The following CARD16 variants were observed in gnomAD, a reference collection of about 807,000 sequenced individuals.
CARD16 encodes caspase recruitment domain-containing protein 16.
CARD16 carries 8 observed loss-of-function variants against 11.9 expected under a neutral mutation model. That is an observed-to-expected ratio of 0.67 (90% CI 0.39 to 1.21). The LOEUF (loss-of-function observed/expected upper bound fraction) is 1.21. Among genes scored for constraint, CARD16 ranks in the 50% most tolerant of loss-of-function variants. The pLI is 0.01. For synonymous variants in CARD16, 44 were observed against 43.8 expected, an observed-to-expected ratio of 1.00 and a Z score of -0.02; for missense variants, 131 against 118.1, an observed-to-expected ratio of 1.11 and a Z score of -0.51.
chr11:105,042,335 G>C (rs12575627), intron 3 of CARD16, among the ~76,000 whole-genome samples: 1 of 152,128 alleles, frequency 6.6e-6, no homozygotes, highest in East Asian at 1.9e-4. Context: ...TGGATTCATA[G>C]CACTAAACAT....
At chr11:105,042,536 C>G (rs181616698) in intron 3 of CARD16, among the ~76,000 whole-genome samples, 12 of 152,074 alleles carry the variant, frequency 7.9e-5, no homozygotes, top group Non-Finnish European at 1.5e-4. Flanking sequence ...ACTATTAAGG[C>G]AAAATAATAA....
At chr11:105,042,294 G>A (rs893181340) in intron 3 of CARD16, among the ~76,000 whole-genome samples, 21 of 151,996 alleles carry the variant, frequency 1.4e-4, no homozygotes, top group Admixed American at 3.3e-4. Flanking sequence ...AAAATAGAAC[G>A]ATGAATGCTA....
chr11:105,044,222 G>A, intron 2 of CARD16, 170 bp downstream of exon 2: 2 of 1,051,098 alleles, frequency 1.9e-6, no homozygotes, highest in Non-Finnish European at 2.8e-6. Flanking sequence ...GAGGATGAAG[G>A]AACACAAAAA....
chr11:105,043,355 A>C, intron 3 of CARD16, 128 bp downstream of exon 3: 1 of 522,744 alleles, frequency 1.9e-6, no homozygotes, highest in Non-Finnish European at 3.2e-6. Flanking sequence ...AGAATAGATT[A>C]AAAAAGAAAA....
In CARD16 at chr11:105,044,374, T is replaced by A. The variant is rs1330972004; in HGVS notation, c.274+18A>T. On this transcript the variant is annotated intron_variant, in intron 2 of 3. Coordinates refer to ENST00000673097, the MANE Select transcript of CARD16 (RefSeq NM_052889.4). The stretch of plus-strand genomic sequence containing the variant: ...GACAGGCCCTAGGTGAACTTGAGTG[T>A]GAGTCACTGACCCTTACCTGCTGAG... 1 of 1,613,648 alleles carries A rather than the reference T, an allele frequency of 6.2e-7. No individual in the cohort carries two copies. Among genetic ancestry groups the A allele is most frequent in the Non-Finnish European group, 8.5e-7 (1 of 1,179,676 alleles).
At chr11:105,041,770 T>G (rs369797790) in intron 3 of CARD16, 51 bp from the exon 4 acceptor site, 1 of 1,539,326 alleles carries the variant, frequency 6.5e-7, no homozygotes, top group Non-Finnish European at 8.9e-7. Flanking sequence ...TTTGTTCTTA[T>G]AGCCTCACCT....
At chr11:105,043,646 C>G (rs1301443296) in intron 2 of CARD16, 101 bp from the exon 3 acceptor site, 1 of 791,224 alleles carries the variant, frequency 1.3e-6, no homozygotes, top group South Asian at 1.4e-5. Context: ...TCCCACAACC[C>G]TGACTAAATG....
chr11:105,043,431 T>C (rs1864142827), intron 3 of CARD16, 52 bp downstream of exon 3: 1 of 1,253,168 alleles, frequency 8.0e-7, no homozygotes, highest in Non-Finnish European at 1.2e-6. Flanking sequence ...ACTAAATTAA[T>C]GTTAAAGAAG....
At chr11:105,042,112 A>G (rs1864122498) in intron 3 of CARD16, among the ~76,000 whole-genome samples, 1 of 152,134 alleles carries the variant, frequency 6.6e-6, no homozygotes, top group Non-Finnish European at 1.5e-5. Context: ...AATTAACACT[A>G]ATTAATTTTT....
intron 3 of CARD16, 90 bp from the exon 4 acceptor site, chr11:105,041,809 A>G (rs1448906837): frequency 8.1e-7 from 1 of 1,227,448 alleles, no homozygotes; most frequent in African/African-American, 1.5e-5. Flanking sequence ...GAGGAAATAC[A>G]TTCCTAGAGG....
At chr11:105,041,851 G>C in intron 3 of CARD16, 132 bp from the exon 4 acceptor site, 1 of 830,252 alleles carries the variant, frequency 1.2e-6, no homozygotes, top group East Asian at 2.7e-5. Context: ...ACATAGTTGA[G>C]TGCGTTTGCT....
chr11:105,041,675 T>A lies in CARD16; in HGVS notation c.*88A>T. ...CAAAGCTTGATTCTGCCTTCTGGGC[T>A]TGAGCATGTGGGCATAGCTGGGTTG... On this transcript the variant is annotated 3_prime_UTR_variant, in exon 4 of 4. Coordinates refer to ENST00000673097, the MANE Select transcript of CARD16 (RefSeq NM_052889.4). The A allele has an allele frequency of 6.2e-7, 1 of 1,614,002 alleles. No homozygotes were observed. The highest frequency in any genetic ancestry group is 8.5e-7 in the Non-Finnish European group (1 of 1,179,920).
chr11:105,045,104 T>G (rs1864176551), intron 1 of CARD16, 187 bp downstream of exon 1: 1 of 788,798 alleles, frequency 1.3e-6, no homozygotes, highest in South Asian at 1.7e-5. Flanking sequence ...TGTTCCTTTC[T>G]GGGCTTGCCT....
chr11:105,044,213 A>T, intron 2 of CARD16, 179 bp downstream of exon 2: 1 of 949,260 alleles, frequency 1.1e-6, no homozygotes, highest in Non-Finnish European at 1.6e-6. Flanking sequence ...GAGGGCACTG[A>T]GGATGAAGGA....
intron 2 of CARD16, chr11:105,044,167 C>T (rs1255667979): frequency 7.5e-6 from 5 of 663,394 alleles, no homozygotes; most frequent in Non-Finnish European, 1.0e-5. Context: ...AATTAGCTAC[C>T]ATGTACTCAG....
In CARD16 at chr11:105,044,036, A is replaced by G. The variant is rs149434968; in HGVS notation, c.274+356T>C. 18 of 364,244 alleles carry G rather than the reference A, an allele frequency of 4.9e-5. No individual in the cohort carries two copies. The East Asian group carries it at 9.0e-4, about 18-fold the overall frequency. The allele number at this position is 364,244 out of a possible 1,614,324, so 22.6% of individuals were successfully genotyped here. On this transcript the variant is annotated intron_variant, in intron 2 of 3. Transcript: ENST00000673097. ...CCTAAAGCTCATGTCAAACAACTAC[A>G]TAAGGGCTTAGGGACACCCTGGACA...
At position 105,043,487 on chromosome 11, in the gene CARD16, G is replaced by C. The variant is rs370234571; in HGVS notation, c.*39C>G. ...TTCATTGAAAAACAACATTACCTGG[G>C]AAGGAAGAAAATAGTAATTGGGAGT... On this transcript the variant is annotated 3_prime_UTR_variant, in exon 3 of 4. Transcript: ENST00000673097. 5.6e-6 allele frequency: 9 copies of C among 1,604,048 alleles called. No homozygotes were observed. Among genetic ancestry groups the C allele is most frequent in the Non-Finnish European group, 6.8e-6 (8 of 1,172,738 alleles).
intron 3 of CARD16, 86 bp downstream of exon 3, chr11:105,043,397 G>A (rs1355500790): frequency 2.3e-6 from 2 of 884,128 alleles, no homozygotes; most frequent in East Asian, 4.9e-5. Flanking sequence ...ATTCTCCATA[G>A]CCCCTTCAAG....
chr11:105,045,224 G>A, intron 1 of CARD16, 67 bp downstream of exon 1: 2 of 1,607,912 alleles, frequency 1.2e-6, no homozygotes, highest in Non-Finnish European at 1.7e-6. Flanking sequence ...ATGGCTTCCA[G>A]AAGAGCCAGC....
Sources: allele counts gnomAD v4.1 joint callset (sites outside exome capture counted in the v4.1 genomes callset), GRCh38; gene constraint gnomAD v4.1.1; transcripts MANE v1.5; gene names NCBI Gene and HGNC (gene_info 2026-07-23, HGNC 2026-07-21).